The following CSMD2 variants were observed in gnomAD, a reference collection of about 807,000 sequenced individuals.
CSMD2 encodes CUB and sushi domain-containing protein 2.
CSMD2 carries 130 observed loss-of-function variants against 398.5 expected under a neutral mutation model. The observed-to-expected ratio is 0.33, with a 90% CI of 0.28 to 0.38. The LOEUF is 0.38. CSMD2 is among the 10% of genes least tolerant of loss of function. The pLI is 1.00. For missense variants in CSMD2, 3,829 were observed against 4,764.9 expected (o/e 0.80, Z 5.78); for synonymous variants, 1,828 against 1,908.5 (o/e 0.96, Z 1.10).
intron 26 of CSMD2, 25 bp from the exon 27 acceptor site, chr1:33,658,162 G>C (rs1644011457): frequency 6.3e-7 from 1 of 1,596,682 alleles, no homozygotes; most frequent in Admixed American, 1.7e-5. Context: ...TAGAAGAGAG[G>C]GTAAGGTCGC....
At chr1:33,613,746 G>C (rs1354377342) in intron 40 of CSMD2, among the ~76,000 whole-genome samples, 3 of 152,310 alleles carry the variant, frequency 2.0e-5, no homozygotes, top group Non-Finnish European at 4.4e-5. Flanking sequence ...CAATGGCTTG[G>C]GCAAGATGAC....
At chr1:34,037,119 AAATTT>A (rs10694600) in intron 2 of CSMD2, among the ~76,000 whole-genome samples, 1 of 151,520 alleles carries the variant, frequency 6.6e-6, no homozygotes. Context: ...ATAAAAAATT[AAATTT>A]AATAAGTTTT....
At position 33,622,180 on chromosome 1, in the gene CSMD2, G is replaced by A; in HGVS notation, c.5814C>T (p.His1938=). 1.2e-6 allele frequency: 2 copies of A among 1,613,456 alleles called. No individual in the cohort carries two copies. The highest frequency in any genetic ancestry group is 1.7e-6 in the Non-Finnish European group (2 of 1,179,402). ...SDISVSAAGF[H]LEYKTVGLSS... The stretch of plus-strand genomic sequence containing the variant: ...CTGGATTCTCACTTTTGTACTCCAA[G>A]TGGAAGCCAGCTGCAGATACGCTGA... The change falls in exon 37 of 71, where the codon CAC becomes CAT. Residue 1938 remains histidine (H), a synonymous_variant. Transcript: ENST00000373381.
At chr1:34,138,539 C>CT in intron 1 of CSMD2, among the ~76,000 whole-genome samples, 1 of 152,348 alleles carries the variant, frequency 6.6e-6, no homozygotes, top group Non-Finnish European at 1.5e-5. Context: ...TAACTTCTCT[C>CT]TTACGGTTGG....
chr1:33,581,354 TAA>T (rs35599517), intron 47 of CSMD2, among the ~76,000 whole-genome samples: 1,225 of 84,192 alleles, frequency 0.015, 60 homozygotes, highest in South Asian at 0.065. Context: ...CCATCTTTAC[TAA>T]AAAAAAAAAA....
In CSMD2 at chr1:33,516,070, T is replaced by G. The variant is rs1267588393; in HGVS notation, c.*554A>C. On this transcript the variant is annotated 3_prime_UTR_variant, in exon 71 of 71. Coordinates refer to ENST00000373381, the MANE Select transcript of CSMD2 (RefSeq NM_001281956.2). The stretch of plus-strand genomic sequence containing the variant: ...CTGCACGCTGACCGGGTTTCTGCAC[T>G]CTGACCGCATGATGGGATGTGTCCT... 1 of 151,954 alleles carries G rather than the reference T, an allele frequency of 6.6e-6. No homozygotes were observed. Among genetic ancestry groups the G allele is most frequent in the East Asian group, 1.9e-4 (1 of 5,192 alleles). The allele number at this position is 151,954 out of a possible 1,614,324, so 9.4% of individuals were successfully genotyped here. A position where few individuals can be genotyped will look rare whatever the true frequency, so the allele number is the denominator to read the frequency against.
In CSMD2 at chr1:33,703,654, C is replaced by T. The variant is rs1310905346; in HGVS notation, c.3577-2981G>A. Among the ~76,000 whole-genome samples the T allele has an allele frequency of 4.6e-5, 7 of 152,298 alleles. No individual in the cohort carries two copies. In the South Asian group the frequency reaches 8.3e-4, roughly 18 times the overall value. ...ATTTCTATGAATATTCCTGCATGTC[C>T]GCTTGCACACGTGTGCTTGAGTTTC... On this transcript the variant is annotated intron_variant, in intron 22 of 70. Transcript: ENST00000373381.
At chr1:33,857,817 GA>G (rs1639209570) in intron 5 of CSMD2, among the ~76,000 whole-genome samples, 1 of 152,174 alleles carries the variant, frequency 6.6e-6, no homozygotes. Flanking sequence ...GTGCTAGGCA[GA>G]CAAAACAAAA....
intron 25 of CSMD2, among the ~76,000 whole-genome samples, chr1:33,689,093 A>G (rs1645151279): frequency 7.2e-6 from 1 of 139,266 alleles, no homozygotes; most frequent in Non-Finnish European, 1.5e-5. Context: ...GGAGAGGAGG[A>G]GAGGGAGAGA....
chr1:33,552,140 A>G (rs185989177), intron 55 of CSMD2, among the ~76,000 whole-genome samples: 1 of 152,364 alleles, frequency 6.6e-6, no homozygotes, highest in East Asian at 1.9e-4. Context: ...TTACACAGTA[A>G]ACACATAAAA....
rs1375663440 is a variant in CSMD2, at chr1:33,519,424, G to A, written c.*53+41C>T. On this transcript the variant is annotated intron_variant, in intron 70 of 70. Coordinates refer to ENST00000373381, the MANE Select transcript of CSMD2 (RefSeq NM_001281956.2). This position sits in a 1 kb window ranked among gnomAD's most constrained non-coding sequence, Gnocchi z 5.6. The stretch of plus-strand genomic sequence containing the variant: ...CCCTGGCACGCATAGGTCCCTGTCT[G>A]TGCTTGTCATGGCCTGTCTTCCTCC... The A allele has an allele frequency of 9.9e-6, 13 of 1,314,812 alleles. No homozygotes were observed. The highest frequency in any genetic ancestry group is 7.2e-5 in the Admixed American group (4 of 55,516). 81.4% of individuals were successfully genotyped at this position (1,314,812 alleles called of 1,614,324 possible).
intron 41 of CSMD2, among the ~76,000 whole-genome samples, chr1:33,610,283 T>C (rs1159271953): frequency 6.6e-6 from 1 of 152,032 alleles, no homozygotes; most frequent in East Asian, 1.9e-4. Context: ...TCTAAAAATA[T>C]TTTTAAAAAT....
intron 3 of CSMD2, among the ~76,000 whole-genome samples, chr1:34,015,901 C>T (rs1034394836): frequency 5.9e-5 from 9 of 152,118 alleles, no homozygotes; most frequent in Admixed American, 4.6e-4. Context: ...AATGTGGGTG[C>T]ATGCACCTGG....
chr1:33,591,211 C>G (rs1639429303), intron 44 of CSMD2, among the ~76,000 whole-genome samples: 1 of 152,130 alleles, frequency 6.6e-6, no homozygotes, highest in Non-Finnish European at 1.5e-5. Context: ...TGGTCTAGAA[C>G]TGCCAACCTC....
intron 3 of CSMD2, among the ~76,000 whole-genome samples, chr1:33,997,205 G>A (rs574758513): frequency 6.6e-6 from 1 of 152,312 alleles, no homozygotes; most frequent in Non-Finnish European, 1.5e-5. Context: ...GGCAGGCTGG[G>A]CCCAACAGGA....
intron 3 of CSMD2, among the ~76,000 whole-genome samples, chr1:34,013,174 G>A (rs1450512330): frequency 1.3e-5 from 2 of 152,182 alleles, no homozygotes; most frequent in Non-Finnish European, 2.9e-5. Flanking sequence ...AGACGTTGCA[G>A]TTTCCTTTCA....
At position 33,819,783 on chromosome 1, in the gene CSMD2, G is replaced by A; in HGVS notation, c.1254C>T (p.Ser418=). The stretch of plus-strand genomic sequence containing the variant: ...TCACTTTCATACAGGTGATCCGCTT[G>A]GACCCTTGCAGGTCATAGCCCTCGT... The part of the protein sequence containing the change: ...TCNEGYDLQG[S]KRITCMKVSD... The change falls in exon 9 of 71, where the codon TCC becomes TCT. Residue 418 remains serine (S), a synonymous_variant. Coordinates refer to ENST00000373381, the MANE Select transcript of CSMD2 (RefSeq NM_001281956.2). 7 of 1,614,044 alleles carry A rather than the reference G, an allele frequency of 4.3e-6. No homozygotes were observed. Among genetic ancestry groups the A allele is most frequent in the Non-Finnish European group, 5.9e-6 (7 of 1,179,954 alleles).
At chr1:34,123,807 G>GA (rs1558423669) in intron 1 of CSMD2, among the ~76,000 whole-genome samples, 21 of 147,350 alleles carry the variant, frequency 1.4e-4, no homozygotes, top group Middle Eastern at 3.5e-3. Flanking sequence ...TGTGAGAGCA[G>GA]GAAAAAAAAA....
intron 3 of CSMD2, among the ~76,000 whole-genome samples, chr1:33,954,491 G>A (rs532844456): frequency 5.9e-5 from 9 of 152,144 alleles, no homozygotes; most frequent in Admixed American, 2.0e-4. Flanking sequence ...GTCAGCCTCC[G>A]GTAAAGGAGA....
Sources: gnomAD v4.1 joint callset for allele counts (sites outside exome capture counted in the v4.1 genomes callset) on GRCh38, gnomAD v4.1.1 for gene constraint, Gnocchi (gnomAD v3.1) non-coding constraint, MANE v1.5 for transcripts, NCBI Gene and HGNC (gene_info 2026-07-23, HGNC 2026-07-21) for gene names.